The following MYO15A variants were observed in gnomAD, a reference collection of about 807,000 sequenced individuals.
The protein encoded by MYO15A is unconventional myosin-XV.
A neutral mutation model predicts 394.6 loss-of-function variants in MYO15A; 308 were observed. The observed-to-expected ratio is 0.78, with a 90% CI of 0.71 to 0.86. The LOEUF is 0.86. Ranked by LOEUF, MYO15A falls within the 40% of genes least tolerant of loss-of-function variation. The pLI, the probability that MYO15A is intolerant of heterozygous loss-of-function variation, is 0.00. For synonymous variants in MYO15A, 1,957 were observed against 2,003.8 expected, an observed-to-expected ratio of 0.98 and a Z score of 0.62; for missense variants, 4,606 against 4,799.1, an observed-to-expected ratio of 0.96 and a Z score of 1.19.
At chr17:18,134,285 G>A (rs112399967) in intron 12 of MYO15A, among the ~76,000 whole-genome samples, 2,142 of 152,244 alleles carry the variant, frequency 0.014, 41 homozygotes, top group African/African-American at 0.05. Context: ...ACCGTGCCCC[G>A]GCCTGTTGGG....
rs1165952827 is a variant in MYO15A, at chr17:18,148,742, C to T, written c.6765-19C>T. The T allele has an allele frequency of 4.4e-6, 7 of 1,583,330 alleles. No individual in the cohort carries two copies. In the South Asian group the frequency reaches 6.9e-5, roughly 16 times the overall value. Reference sequence around the variant, plus strand: ...ATGACTCTGTCCCTCATTTCCATTCCTGTGCATGCCATCACCAGGGGGCTG... The same window carrying T: ...ATGACTCTGTCCCTCATTTCCATTCTTGTGCATGCCATCACCAGGGGGCTG... On this transcript the variant is annotated intron_variant, in intron 32 of 65. Transcript: ENST00000647165. The surrounding 1 kb of genome is among the most constrained non-coding windows in gnomAD (Gnocchi z 4.8).
rs1185931865 is a variant in MYO15A at position 18,136,447 on chromosome 17, C to T, written c.4627C>T (p.Leu1543=). The change falls in exon 14 of 66, where the codon CTA becomes TTA. Residue 1543 remains leucine, a synonymous_variant. Coordinates refer to ENST00000647165, the MANE Select transcript of MYO15A (RefSeq NM_016239.4). ...ETMREKIFTP[L]TVESAVDARD... The stretch of plus-strand genomic sequence containing the variant: ...AATGCGAGAGAAGATCTTCACGCCC[C>T]TAACTGTGGAGAGCGCTGTGGATGC... 4 of 1,613,892 alleles carry T rather than the reference C, an allele frequency of 2.5e-6. No individual in the cohort carries two copies. The highest frequency in any genetic ancestry group is 2.5e-6 in the Non-Finnish European group (3 of 1,180,034).
Position 18,150,791 on chromosome 17 carries a change from G to A in MYO15A, c.7395+26G>A. 1 of 1,581,554 alleles carries A rather than the reference G, an allele frequency of 6.3e-7. No individual in the cohort carries two copies. The highest frequency in any genetic ancestry group is 8.6e-7 in the Non-Finnish European group (1 of 1,162,968). On this transcript the variant is annotated intron_variant, in intron 37 of 65. Coordinates refer to ENST00000647165, the MANE Select transcript of MYO15A (RefSeq NM_016239.4). The surrounding 1 kb of genome is among the most constrained non-coding windows in gnomAD (Gnocchi z 4.4). ...GTGAGTGAGGGAGGGACTGCTGGGG[G>A]GTGGAGAATGGACCTGCCTGGTCAC...
Position 18,120,319 on chromosome 17 carries a change from T to G in MYO15A, c.1519T>G (p.Leu507Val), listed in dbSNP as rs757257955. The G allele has an allele frequency of 4.3e-6, 7 of 1,612,078 alleles. No homozygotes were observed. Among genetic ancestry groups the G allele is most frequent in the Non-Finnish European group, 5.9e-6 (7 of 1,179,962 alleles). The change falls in exon 2 of 66, where the codon TTG becomes GTG. Residue 507 changes from leucine to valine, a missense_variant. Around this residue, in one of 2 missense-constraint regions of MYO15A, gnomAD observed 1,830 missense variants for 1,689.7 expected, o/e 1.08. Coordinates refer to ENST00000647165, the MANE Select transcript of MYO15A (RefSeq NM_016239.4). Reference protein sequence around the residue: ...LPPSLDIPLPLGDADEEEDEE... With the variant: ...LPPSLDIPLPVGDADEEEDEE... ...ACCCTCTCTGGACATTCCTCTCCCC[T>G]TGGGGGATGCGGACGAAGAAGAGGA...
rs2046503554 is a variant in MYO15A at position 18,147,553 on chromosome 17, G to A, written c.6510-476G>A. 6.6e-6 allele frequency among the ~76,000 whole-genome samples: 1 copy of A among 152,106 alleles called. No individual in the cohort carries two copies. Among genetic ancestry groups the A allele is most frequent in the African/African-American group, 2.4e-5 (1 of 41,418 alleles). ...TGAACCCTCAGCTGTCCCTTTTATAGGTGAAAACTTGGAGGAGAGGCTCAG... is the reference window on the plus strand; with the variant it reads ...TGAACCCTCAGCTGTCCCTTTTATAAGTGAAAACTTGGAGGAGAGGCTCAG... On this transcript the variant is annotated intron_variant, in intron 30 of 65. Coordinates refer to ENST00000647165, the MANE Select transcript of MYO15A (RefSeq NM_016239.4). The surrounding 1 kb of genome is among the most constrained non-coding windows in gnomAD (Gnocchi z 4.4).
chr17:18,168,487 C>T (rs2046888345), intron 62 of MYO15A, among the ~76,000 whole-genome samples: 1 of 151,822 alleles, frequency 6.6e-6, no homozygotes, highest in South Asian at 2.1e-4. Flanking sequence ...TGACGTGAAC[C>T]CGGGAGGCGG....
rs751877791 is a variant in MYO15A at position 18,162,649 on chromosome 17, C to T, written c.9582C>T (p.Leu3194=). Residue 3194 remains leucine (L), a synonymous_variant, in exon 58 of 66, where the codon CTC becomes CTT. Coordinates refer to ENST00000647165, the MANE Select transcript of MYO15A (RefSeq NM_016239.4). ...KTLRFGGRLE[L]PSSIELRAML... ...TGCGCTTCGGAGGTCGTCTGGAGCTCCCCAGCAGCATAGAGCTTCGGGCCA... is the reference window on the plus strand; with the variant it reads ...TGCGCTTCGGAGGTCGTCTGGAGCTTCCCAGCAGCATAGAGCTTCGGGCCA... 1.2e-6 allele frequency: 2 copies of T among 1,614,076 alleles called. No individual in the cohort carries two copies. Among genetic ancestry groups the T allele is most frequent in the South Asian group, 1.1e-5 (1 of 91,078 alleles).
intron 65 of MYO15A, among the ~76,000 whole-genome samples, chr17:18,176,073 C>T (rs2047009868): frequency 6.6e-6 from 1 of 152,204 alleles, no homozygotes; most frequent in Non-Finnish European, 1.5e-5. Context: ...ACCTTCCTCC[C>T]TAAGAACTCA....
intron 64 of MYO15A, among the ~76,000 whole-genome samples, chr17:18,173,270 C>G (rs534497550): frequency 7.9e-5 from 12 of 152,146 alleles, no homozygotes; most frequent in Non-Finnish European, 1.5e-4. Context: ...TGTATGTGGT[C>G]CAAGTTTGCT....
At chr17:18,145,573 G>T (rs2046460794) in intron 29 of MYO15A, among the ~76,000 whole-genome samples, 1 of 152,084 alleles carries the variant, frequency 6.6e-6, no homozygotes, top group Non-Finnish European at 1.5e-5. Flanking sequence ...AATTAGCTGG[G>T]TGTGGCTGCA....
In MYO15A at chr17:18,121,585, T is replaced by G. The variant is rs1239658861; in HGVS notation, c.2785T>G (p.Trp929Gly). 3.8e-6 allele frequency: 6 copies of G among 1,597,896 alleles called. No homozygotes were observed. The highest frequency in any genetic ancestry group is 5.1e-6 in the Non-Finnish European group (6 of 1,172,138). Residue 929 changes from tryptophan (W) to glycine (G), a missense_variant, in exon 2 of 66, where the codon TGG becomes GGG. This residue lies in a region of MYO15A where 1,830 missense variants were observed against 1,689.7 expected (regional missense o/e 1.08). Coordinates refer to ENST00000647165, the MANE Select transcript of MYO15A (RefSeq NM_016239.4). The surrounding 1 kb of genome is among the most constrained non-coding windows in gnomAD (Gnocchi z 5.3). The stretch of plus-strand genomic sequence containing the variant: ...GACTGTGCCCCCACTGGCCCCCAGC[T>G]GGGACGTGGACATGCCTCCCACCCA... ...PWTVPPLAPSWDVDMPPTQRP... is the reference protein window; with the variant it reads ...PWTVPPLAPSGDVDMPPTQRP...
chr17:18,159,041 A>G (rs2046733885), intron 53 of MYO15A, 44 bp downstream of exon 53: 3 of 1,600,556 alleles, frequency 1.9e-6, no homozygotes, highest in Non-Finnish European at 2.6e-6. Context: ...TAAAATGGTG[A>G]TGCAGGGGCC....
In MYO15A at chr17:18,133,227, T is replaced by A. The variant is rs554453302; in HGVS notation, c.4323T>A (p.Gly1441=). 6.2e-7 allele frequency: 1 copy of A among 1,613,880 alleles called. No individual in the cohort carries two copies. Among genetic ancestry groups the A allele is most frequent in the Non-Finnish European group, 8.5e-7 (1 of 1,179,946 alleles). ...EAETYYYLNQ[G]GNCEIAGKSD... ...CCTCAGCCTCTGCCCTCATGCAGGGTGGGAACTGTGAGATAGCAGGAAAGA... is the reference window on the plus strand; with the variant it reads ...CCTCAGCCTCTGCCCTCATGCAGGGAGGGAACTGTGAGATAGCAGGAAAGA... Residue 1441 remains glycine (G), a splice_region_variant and synonymous_variant, in exon 12 of 66, where the codon GGT becomes GGA. Transcript: ENST00000647165.
intron 16 of MYO15A, 50 bp downstream of exon 16, chr17:18,137,729 A>G: frequency 1.3e-6 from 2 of 1,573,274 alleles, no homozygotes; most frequent in Non-Finnish European, 1.7e-6. Flanking sequence ...TGGCCAGTGG[A>G]CCTCCTTGGA....
Position 18,132,128 on chromosome 17 carries a change from CAT to C in MYO15A, c.4207-324_4207-323del, listed in dbSNP as rs1293123743. Among the ~76,000 whole-genome samples the C allele has an allele frequency of 2.0e-5, 3 of 152,188 alleles. No homozygotes were observed. The East Asian group carries it at 5.8e-4, about 29-fold the overall frequency. On this transcript the variant is annotated intron_variant, in intron 10 of 65. Transcript: ENST00000647165. The surrounding 1 kb of genome is among the most constrained non-coding windows in gnomAD (Gnocchi z 4.6). Reference sequence around the variant, plus strand: ...GCCATCAAGAAGCTCTGTGTGTGCACATGTGGGCTATGGACACACATGTATGC... The same window carrying C: ...GCCATCAAGAAGCTCTGTGTGTGCACGTGGGCTATGGACACACATGTATGC...
intron 57 of MYO15A, 68 bp from the exon 58 acceptor site, chr17:18,162,517 G>A (rs2046791334): frequency 1.4e-6 from 2 of 1,417,878 alleles, no homozygotes; most frequent in Non-Finnish European, 2.0e-6. Context: ...ATGGTTGGTG[G>A]CAAGAGGAGC....
chr17:18,120,489 C>A lies in MYO15A; in HGVS notation c.1689C>A (p.Arg563=). Reference sequence around the variant, plus strand: ...TGGGCTTCGGCCCTGAGTTTGGCCGCCCCGTGCCTCGCCCTGCCACCTCGC... The same window carrying A: ...TGGGCTTCGGCCCTGAGTTTGGCCGACCCGTGCCTCGCCCTGCCACCTCGC... The part of the protein sequence containing the change: ...RGLGFGPEFG[R]PVPRPATSLA... Residue 563 remains arginine, a synonymous_variant, in exon 2 of 66, where the codon CGC becomes CGA. Transcript: ENST00000647165. 3.8e-6 allele frequency: 6 copies of A among 1,573,260 alleles called. No individual in the cohort carries two copies. Among genetic ancestry groups the A allele is most frequent in the Non-Finnish European group, 5.2e-6 (6 of 1,163,296 alleles).
Position 18,150,484 on chromosome 17 carries a change from G to T in MYO15A, c.7268G>T (p.Gly2423Val), listed in dbSNP as rs750497276. The change falls in exon 36 of 66, where the codon GGT becomes GTT. Residue 2423 changes from glycine (G) to valine (V), a missense_variant. By Grantham distance (109) the Gly-to-Val change is moderately radical (BLOSUM62 -3). Around this residue, in one of 2 missense-constraint regions of MYO15A, gnomAD observed 2,776 missense variants for 3,109.3 expected, o/e 0.89. Coordinates refer to ENST00000647165, the MANE Select transcript of MYO15A (RefSeq NM_016239.4). This position sits in a 1 kb window ranked among gnomAD's most constrained non-coding sequence, Gnocchi z 4.4. ...AYRMKGGGQPGGGSSSGTEDT... is the reference protein window; with the variant it reads ...AYRMKGGGQPVGGSSSGTEDT... ...CGCATGAAAGGGGGAGGCCAGCCCG[G>T]TGGAGGCAGCAGTAGTGGTACTGAA... 1.2e-6 allele frequency: 2 copies of T among 1,614,058 alleles called. No homozygotes were observed. The highest frequency in any genetic ancestry group is 3.3e-5 in the Admixed American group (2 of 60,000).
Position 18,138,970 on chromosome 17 carries a change from G to C in MYO15A, c.5133+34G>C, listed in dbSNP as rs775828268. ...TAAGACAGTCGGCCTGGACGCTGGT[G>C]CTGCAGTGCTGCTAGCTGTTGGAGA... On this transcript the variant is annotated intron_variant, in intron 18 of 65. Transcript: ENST00000647165. The C allele has an allele frequency of 6.9e-6, 11 of 1,597,526 alleles. No homozygotes were observed. In the East Asian group the frequency reaches 2.5e-4, roughly 36 times the overall value.
Sources: allele counts gnomAD v4.1 joint callset (sites outside exome capture counted in the v4.1 genomes callset), GRCh38; gene constraint gnomAD v4.1.1; regional missense constraint gnomAD v4.1.1; non-coding constraint Gnocchi (gnomAD v3.1); transcripts MANE v1.5; gene names NCBI Gene and HGNC (gene_info 2026-07-23, HGNC 2026-07-21).